Variants in STIM2 observed in about 807,000 individuals in gnomAD.
STIM2 encodes stromal interaction molecule 2.
A neutral mutation model predicts 85.8 loss-of-function variants in STIM2; 31 were observed. The observed-to-expected ratio is 0.36, with a 90% CI of 0.27 to 0.49. The LOEUF is 0.49. STIM2 is among the 20% of genes least tolerant of loss of function. The pLI is 0.98. For missense variants in STIM2, 841 were observed against 927.6 expected, an observed-to-expected ratio of 0.91 and a Z score of 1.21; for synonymous variants, 356 against 331.1, an observed-to-expected ratio of 1.08 and a Z score of -0.82.
At chr4:26,872,690 T>C (rs904983536) in intron 1 of STIM2, among the ~76,000 whole-genome samples, 5 of 152,166 alleles carry the variant, frequency 3.3e-5, no homozygotes, top group Non-Finnish European at 5.9e-5. Flanking sequence ...TGAATGAGAT[T>C]GAGGTTTTTG....
intron 2 of STIM2, among the ~76,000 whole-genome samples, chr4:26,941,839 A>G (rs1383951924): frequency 6.6e-6 from 1 of 152,094 alleles, no homozygotes; most frequent in East Asian, 1.9e-4. Context: ...TATACAATTC[A>G]ATGTAGAGAT....
chr4:27,013,400 T>G (rs575544399), intron 10 of STIM2, among the ~76,000 whole-genome samples: 14 of 151,828 alleles, frequency 9.2e-5, no homozygotes, highest in East Asian at 3.8e-4. Context: ...AGGAAAAACA[T>G]AGTGTGTATA....
rs1173415174 is a variant in STIM2 at position 26,999,267 on chromosome 4, A to G, written c.545A>G (p.Gln182Arg). 3.1e-6 allele frequency: 5 copies of G among 1,609,590 alleles called. No homozygotes were observed. Among genetic ancestry groups the G allele is most frequent in the Non-Finnish European group, 4.2e-6 (5 of 1,177,846 alleles). ...CACGAACCTTCATTTATGATCTCCCAGTTGAAAATCAGTGACCGGAGTCAC... is the reference window on the plus strand; with the variant it reads ...CACGAACCTTCATTTATGATCTCCCGGTTGAAAATCAGTGACCGGAGTCAC... Residue 182 changes from glutamine to arginine, a missense_variant, in exon 5 of 12, where the codon CAG becomes CGG. Physicochemically the swap from Gln to Arg is conservative, Grantham distance 43. Transcript: ENST00000467087.
chr4:26,879,409 G>A (rs747174029), intron 1 of STIM2, among the ~76,000 whole-genome samples: 1 of 151,504 alleles, frequency 6.6e-6, no homozygotes, highest in Non-Finnish European at 1.5e-5. Flanking sequence ...AGGTGACCTG[G>A]GATATTATAC....
intron 1 of STIM2, among the ~76,000 whole-genome samples, chr4:26,869,201 A>G (rs929029370): frequency 1.3e-5 from 2 of 151,436 alleles, no homozygotes; most frequent in Admixed American, 6.6e-5. Flanking sequence ...GGAGGCTGAA[A>G]TGGGAGAATC....
intron 3 of STIM2, among the ~76,000 whole-genome samples, chr4:26,988,828 C>T (rs1398017052): frequency 6.6e-6 from 1 of 152,194 alleles, no homozygotes; most frequent in African/African-American, 2.4e-5. Context: ...TTCTTTCCCT[C>T]TCAGTATTCT....
chr4:26,971,519 G>C (rs553689244), intron 3 of STIM2, among the ~76,000 whole-genome samples: 2 of 152,272 alleles, frequency 1.3e-5, no homozygotes, highest in South Asian at 4.1e-4. Flanking sequence ...TCCATTTCTT[G>C]TTTTTGTCAG....
At chr4:26,906,048 TG>T (rs1371033599) in intron 1 of STIM2, among the ~76,000 whole-genome samples, 1 of 152,168 alleles carries the variant, frequency 6.6e-6, no homozygotes, top group Non-Finnish European at 1.5e-5. Context: ...AGTTATTTTT[TG>T]ATCATTATTT....
At chr4:26,967,842 G>A (rs1726784043) in intron 3 of STIM2, among the ~76,000 whole-genome samples, 1 of 151,988 alleles carries the variant, frequency 6.6e-6, no homozygotes, top group East Asian at 1.9e-4. Flanking sequence ...CCAACAGTGG[G>A]GGTTAGAGAG....
At chr4:26,894,155 G>A (rs946176319) in intron 1 of STIM2, among the ~76,000 whole-genome samples, 4 of 152,134 alleles carry the variant, frequency 2.6e-5, no homozygotes, top group African/African-American at 9.7e-5. Flanking sequence ...CCAAAGTGCT[G>A]GGATTACAGG....
At chr4:27,011,612 T>C (rs1728559821) in intron 10 of STIM2, among the ~76,000 whole-genome samples, 1 of 152,238 alleles carries the variant, frequency 6.6e-6, no homozygotes, top group Non-Finnish European at 1.5e-5. Flanking sequence ...TCCTCATCAG[T>C]ACTTGGAATA....
chr4:26,992,319 A>C (rs967565743), intron 3 of STIM2, among the ~76,000 whole-genome samples: 1 of 152,138 alleles, frequency 6.6e-6, no homozygotes. Flanking sequence ...AGTGATGAGC[A>C]GAAGACTTAT....
intron 1 of STIM2, chr4:26,874,142 G>A: frequency 1.9e-6 from 1 of 520,136 alleles, no homozygotes; most frequent in Non-Finnish European, 3.7e-6. Context: ...CCAAGTGTTT[G>A]CAGGAGGGGT....
intron 3 of STIM2, 143 bp from the exon 4 acceptor site, chr4:26,995,236 A>C (rs1008740689): frequency 2.5e-5 from 10 of 398,974 alleles, no homozygotes; most frequent in African/African-American, 2.1e-4. Flanking sequence ...TTCTTCTCAT[A>C]GAGTGCTAGA....
At chr4:26,980,746 A>C (rs933420633) in intron 3 of STIM2, among the ~76,000 whole-genome samples, 6 of 152,226 alleles carry the variant, frequency 3.9e-5, no homozygotes, top group African/African-American at 1.4e-4. Flanking sequence ...TTCCAAATGC[A>C]AACAGAGTCA....
At chr4:27,011,647 C>G (rs879876238) in intron 10 of STIM2, among the ~76,000 whole-genome samples, 9 of 152,156 alleles carry the variant, frequency 5.9e-5, no homozygotes, top group Non-Finnish European at 1.3e-4. Flanking sequence ...TTTTGCAACT[C>G]GAATGCGTAT....
chr4:26,861,547 C>T (rs1290325790), intron 1 of STIM2, 178 bp downstream of exon 1: 2 of 943,472 alleles, frequency 2.1e-6, no homozygotes, highest in Admixed American at 8.9e-5. Flanking sequence ...CTTTCCTTTT[C>T]ACCCCGACAC....
intron 3 of STIM2, among the ~76,000 whole-genome samples, chr4:26,989,185 C>T (rs1457005723): frequency 6.6e-6 from 1 of 152,118 alleles, no homozygotes; most frequent in Non-Finnish European, 1.5e-5. Flanking sequence ...TCCACCCACC[C>T]TGGTCTCCCA....
At chr4:26,873,439 TG>T (rs1287827065) in intron 1 of STIM2, 1 of 193,306 alleles carries the variant, frequency 5.2e-6, no homozygotes, top group African/African-American at 2.4e-5. Flanking sequence ...TCATCGCTAC[TG>T]TGTTAGTTCT....
Sources: allele counts gnomAD v4.1 joint callset (sites outside exome capture counted in the v4.1 genomes callset), GRCh38; gene constraint gnomAD v4.1.1; transcripts MANE v1.5; gene names NCBI Gene and HGNC (gene_info 2026-07-23, HGNC 2026-07-21).